Variants in MOB3B observed in about 807,000 individuals in gnomAD.
MOB3B encodes the protein MOB kinase activator 3B.
Under a neutral mutation model 18.7 loss-of-function variants are expected in MOB3B, and 7 were observed. That is an observed-to-expected ratio of 0.37 (90% CI 0.21 to 0.70). The LOEUF (loss-of-function observed/expected upper bound fraction) is 0.70, where lower values mean the gene tolerates loss of function less well. Ranked by LOEUF, MOB3B falls within the 30% of genes least tolerant of loss-of-function variation. MOB3B has a pLI of 0.52. For missense variants in MOB3B, 253 were observed against 281.3 expected (o/e 0.90, Z 0.72); for synonymous variants, 111 against 99.9 (o/e 1.11, Z -0.66).
At chr9:27,522,166 C>T (rs1395727968) in intron 1 of MOB3B, among the ~76,000 whole-genome samples, 5 of 141,696 alleles carry the variant, frequency 3.5e-5, no homozygotes, top group African/African-American at 1.3e-4. Context: ...CGCTTGAACC[C>T]GGGAGGCGGA....
At chr9:27,462,848 G>A (rs551993826) in intron 1 of MOB3B, among the ~76,000 whole-genome samples, 2 of 152,306 alleles carry the variant, frequency 1.3e-5, no homozygotes, top group South Asian at 4.1e-4. Flanking sequence ...ATCTTTGCAG[G>A]AAGGTGGAGA....
intron 2 of MOB3B, among the ~76,000 whole-genome samples, chr9:27,426,681 T>C (rs1283732843): frequency 1.3e-5 from 2 of 151,760 alleles, no homozygotes; most frequent in East Asian, 3.9e-4. Context: ...CATGACACTG[T>C]CCCCCCCTGC....
intron 2 of MOB3B, among the ~76,000 whole-genome samples, chr9:27,423,362 G>A (rs1822283984): frequency 6.7e-6 from 1 of 149,774 alleles, no homozygotes; most frequent in Non-Finnish European, 1.5e-5. Context: ...AATATCTTTG[G>A]CCCCCATACA....
intron 1 of MOB3B, among the ~76,000 whole-genome samples, chr9:27,470,115 A>AAAAAAG (rs1819449738): frequency 1.7e-3 from 1 of 598 alleles, no homozygotes; most frequent in South Asian, 0.083. Context: ...CTCTTAAAAG[A>AAAAAAG]AAAAAAAAAA....
chr9:27,418,024 G>A (rs1343603653), intron 2 of MOB3B, among the ~76,000 whole-genome samples: 6 of 146,668 alleles, frequency 4.1e-5, no homozygotes, highest in South Asian at 2.1e-4. Context: ...CCTGGGAGGC[G>A]GAGGTTGCAG....
At chr9:27,518,852 C>A (rs1374678798) in intron 1 of MOB3B, among the ~76,000 whole-genome samples, 1 of 152,186 alleles carries the variant, frequency 6.6e-6, no homozygotes, top group African/African-American at 2.4e-5. Context: ...TAAGAAGTCA[C>A]ACGGCAGTTT....
At chr9:27,347,906 T>A (rs994657435) in intron 3 of MOB3B, among the ~76,000 whole-genome samples, 1 of 152,210 alleles carries the variant, frequency 6.6e-6, no homozygotes, top group African/African-American at 2.4e-5. Flanking sequence ...ACCATCTATT[T>A]TTATGTAAGT....
chr9:27,367,227 T>C (rs1821354233), intron 2 of MOB3B, among the ~76,000 whole-genome samples: 1 of 152,072 alleles, frequency 6.6e-6, no homozygotes, highest in South Asian at 2.1e-4. Context: ...TTGGGCTTTA[T>C]AGAGCTAGTT....
At chr9:27,366,056 C>A (rs73643200) in intron 2 of MOB3B, among the ~76,000 whole-genome samples, 1 of 152,244 alleles carries the variant, frequency 6.6e-6, no homozygotes, top group African/African-American at 2.4e-5. Context: ...GGCCAGGGTG[C>A]TGGGGTGAGG....
intron 3 of MOB3B, among the ~76,000 whole-genome samples, chr9:27,333,032 G>C (rs1013665072): frequency 3.0e-4 from 45 of 152,178 alleles, no homozygotes; most frequent in African/African-American, 1.1e-3. Flanking sequence ...ACTGATGCCA[G>C]TTTGAATTAT....
At chr9:27,350,408 A>C (rs1197821506) in intron 3 of MOB3B, among the ~76,000 whole-genome samples, 1 of 152,128 alleles carries the variant, frequency 6.6e-6, no homozygotes, top group African/African-American at 2.4e-5. Context: ...TTCCCATGAG[A>C]GACATCTTCA....
At chr9:27,517,389 C>T (rs1042426074) in intron 1 of MOB3B, among the ~76,000 whole-genome samples, 1 of 152,168 alleles carries the variant, frequency 6.6e-6, no homozygotes. Context: ...TGGTGGCTCA[C>T]ACCTGTAATT....
intron 1 of MOB3B, among the ~76,000 whole-genome samples, chr9:27,525,776 C>A (rs1271445946): frequency 6.6e-6 from 1 of 152,164 alleles, no homozygotes; most frequent in East Asian, 1.9e-4. Context: ...TAATATGGAA[C>A]AATTTTACAT....
At chr9:27,416,185 G>T (rs1055720293) in intron 2 of MOB3B, among the ~76,000 whole-genome samples, 1 of 151,978 alleles carries the variant, frequency 6.6e-6, no homozygotes, top group African/African-American at 2.4e-5. Context: ...AAAAGGTTTG[G>T]CTATTGCAGT....
At chr9:27,355,916 T>C (rs961617665) in intron 3 of MOB3B, among the ~76,000 whole-genome samples, 1 of 152,218 alleles carries the variant, frequency 6.6e-6, no homozygotes, top group African/African-American at 2.4e-5. Context: ...TGACTTGACA[T>C]GTTATGCCTG....
intron 3 of MOB3B, among the ~76,000 whole-genome samples, chr9:27,353,039 G>A (rs930120066): frequency 6.6e-6 from 1 of 152,184 alleles, no homozygotes; most frequent in Admixed American, 6.5e-5. Flanking sequence ...CTGATCTTCA[G>A]ATTTTTCTCC....
Position 27,455,440 on chromosome 9 carries a change from G to A in MOB3B, c.111C>T (p.Ser37=). The A allele has an allele frequency of 6.2e-7, 1 of 1,614,192 alleles. No homozygotes were observed. Among genetic ancestry groups the A allele is most frequent in the Non-Finnish European group, 8.5e-7 (1 of 1,180,032 alleles). Reference sequence around the variant, plus strand: ...CCTTCAGGTCCACACCCGAGTTGAGGGATGCCTGAGCCCGTTTGTGCAGCT... The same window carrying A: ...CCTTCAGGTCCACACCCGAGTTGAGAGATGCCTGAGCCCGTTTGTGCAGCT... The part of the protein sequence containing the change: ...RFELHKRAQA[S]LNSGVDLKAA... Residue 37 remains serine, a synonymous_variant, in exon 2 of 4, where the codon TCC becomes TCT. Coordinates refer to ENST00000262244, the MANE Select transcript of MOB3B (RefSeq NM_024761.5).
chr9:27,446,313 T>TA (rs952016465), intron 2 of MOB3B, among the ~76,000 whole-genome samples: 4 of 152,168 alleles, frequency 2.6e-5, no homozygotes, highest in African/African-American at 9.7e-5. Context: ...ACCACGTGTC[T>TA]ACTTTATACC....
intron 1 of MOB3B, among the ~76,000 whole-genome samples, chr9:27,523,482 G>T (rs1023199596): frequency 1.0e-4 from 15 of 146,832 alleles, no homozygotes; most frequent in African/African-American, 3.8e-4. Context: ...AAAAAGAAAA[G>T]AAAAGAAAAG....
Sources: allele counts gnomAD v4.1 joint callset (sites outside exome capture counted in the v4.1 genomes callset), GRCh38; gene constraint gnomAD v4.1.1; transcripts MANE v1.5; gene names NCBI Gene and HGNC (gene_info 2026-07-23, HGNC 2026-07-21).